The following IL1RAPL1 variants were observed in gnomAD, a reference collection of about 807,000 sequenced individuals.
The protein encoded by IL1RAPL1 is interleukin-1 receptor accessory protein-like 1.
Under a neutral mutation model 48.4 loss-of-function variants are expected in IL1RAPL1, and 3 were observed. The ratio of observed to expected loss-of-function variants is 0.06; its 90% CI spans 0.03 to 0.16. IL1RAPL1 has a LOEUF of 0.16. Ranked by LOEUF, IL1RAPL1 falls within the 10% of genes least tolerant of loss-of-function variation. The pLI is 1.00. For synonymous variants in IL1RAPL1, 185 were observed against 187.7 expected (o/e 0.99, Z 0.12); for missense variants, 349 against 530.6 (o/e 0.66, Z 3.36).
intron 2 of IL1RAPL1, among the ~76,000 whole-genome samples, chrX:28,790,640 G>A (rs1019215390): frequency 8.9e-6 from 1 of 111,993 alleles, no homozygotes; most frequent in African/African-American, 3.2e-5. Flanking sequence ...CCATTGATGT[G>A]GTTATAGGCA....
At chrX:29,063,142 T>C (rs1927376918) in intron 2 of IL1RAPL1, among the ~76,000 whole-genome samples, 1 of 111,698 alleles carries the variant, frequency 9.0e-6, no homozygotes, top group African/African-American at 3.2e-5. Context: ...GCTTTCCTGA[T>C]GGATGTGGAG....
At chrX:28,973,255 C>A (rs1473706891) in intron 2 of IL1RAPL1, among the ~76,000 whole-genome samples, 1 of 112,032 alleles carries the variant, frequency 8.9e-6, no homozygotes, top group East Asian at 2.8e-4. Flanking sequence ...AGTGATTGTC[C>A]CATCAAACAT....
At chrX:29,815,425 A>AT (rs1388982964) in intron 6 of IL1RAPL1, among the ~76,000 whole-genome samples, 1 of 111,741 alleles carries the variant, frequency 8.9e-6, no homozygotes, top group Non-Finnish European at 1.9e-5. Context: ...TTATATATTG[A>AT]TTTTGTATCC....
chrX:29,608,192 C>A (rs1254222603), intron 5 of IL1RAPL1, among the ~76,000 whole-genome samples: 2 of 111,330 alleles, frequency 1.8e-5, no homozygotes, highest in African/African-American at 6.5e-5. Context: ...CTTTCTTTAA[C>A]AAGTTAGCCT....
chrX:29,705,118 C>G (rs1254494745), intron 6 of IL1RAPL1, among the ~76,000 whole-genome samples: 2 of 111,437 alleles, frequency 1.8e-5, no homozygotes, highest in African/African-American at 3.3e-5. Flanking sequence ...TTAGAAGAAC[C>G]AATATTTAAA....
At chrX:29,908,906 G>C (rs1284905486) in intron 6 of IL1RAPL1, among the ~76,000 whole-genome samples, 1 of 111,566 alleles carries the variant, frequency 9.0e-6, no homozygotes, top group African/African-American at 3.3e-5. Context: ...CCAAATGTTA[G>C]CTAGTTAATC....
intron 2 of IL1RAPL1, among the ~76,000 whole-genome samples, chrX:28,938,844 C>T (rs1386965783): frequency 9.1e-6 from 1 of 109,786 alleles, no homozygotes; most frequent in South Asian, 3.8e-4. Flanking sequence ...AAAACAGTCC[C>T]ATTAAAAAGT....
intron 6 of IL1RAPL1, among the ~76,000 whole-genome samples, chrX:29,715,130 G>A (rs1206887709): frequency 9.0e-6 from 1 of 111,486 alleles, no homozygotes; most frequent in Non-Finnish European, 1.9e-5. Context: ...TTGGTACCCT[G>A]CTCAGATGTT....
intron 3 of IL1RAPL1, among the ~76,000 whole-genome samples, chrX:29,308,943 T>G (rs1209390800): frequency 8.9e-6 from 1 of 111,842 alleles, no homozygotes; most frequent in Non-Finnish European, 1.9e-5. Context: ...TCTCAGGAAG[T>G]CCCCCATTGA....
intron 2 of IL1RAPL1, among the ~76,000 whole-genome samples, chrX:29,080,417 A>T (rs918132374): frequency 9.0e-6 from 1 of 111,082 alleles, no homozygotes; most frequent in African/African-American, 3.3e-5. Context: ...AAACAAAAAA[A>T]TAAAAAAGGG....
intron 2 of IL1RAPL1, among the ~76,000 whole-genome samples, chrX:28,965,282 A>T (rs2147365226): frequency 9.0e-6 from 1 of 111,498 alleles, no homozygotes; most frequent in African/African-American, 3.2e-5. Context: ...ATATCCTTAA[A>T]TTAGCACCTG....
intron 2 of IL1RAPL1, among the ~76,000 whole-genome samples, chrX:29,067,986 A>G (rs1224718614): frequency 1.8e-5 from 2 of 112,011 alleles, no homozygotes; most frequent in South Asian, 3.7e-4. Flanking sequence ...GAATTTTTTA[A>G]TGGTCCTTAT....
At position 29,494,196 on chromosome X, in the gene IL1RAPL1, C is replaced by T. The variant is rs151203695; in HGVS notation, c.703+94888C>T. On this transcript the variant is annotated intron_variant, in intron 5 of 10. Coordinates refer to ENST00000378993, the MANE Select transcript of IL1RAPL1 (RefSeq NM_014271.4). Reference sequence around the variant, plus strand: ...GATTACAGGCGTAAGCCACCGCGTCCGGCTGCTTAGTATCATTTATAAGTG... The same window carrying T: ...GATTACAGGCGTAAGCCACCGCGTCTGGCTGCTTAGTATCATTTATAAGTG... Among the ~76,000 whole-genome samples, 1,012 of 111,791 alleles carry T rather than the reference C, an allele frequency of 9.1e-3. 7 individuals are homozygous for T. The highest frequency in any genetic ancestry group is 0.028 in the Middle Eastern group (6 of 216).
At chrX:28,724,517 A>G (rs1175470221) in intron 1 of IL1RAPL1, among the ~76,000 whole-genome samples, 1 of 111,198 alleles carries the variant, frequency 9.0e-6, no homozygotes, top group Non-Finnish European at 1.9e-5. Context: ...TCTCCTGAAT[A>G]CAGCACACTG....
intron 2 of IL1RAPL1, among the ~76,000 whole-genome samples, chrX:29,263,974 A>G: frequency 9.1e-6 from 1 of 109,495 alleles, no homozygotes. Flanking sequence ...AATTAGGGAG[A>G]AGTAGAAACA....
intron 1 of IL1RAPL1, among the ~76,000 whole-genome samples, chrX:28,744,277 CAAAAACACATT>C (rs1010115590): frequency 3.6e-5 from 4 of 111,382 alleles, no homozygotes; most frequent in African/African-American, 1.3e-4. Flanking sequence ...ATGGGTTTAA[CAAAAACACATT>C]AAAACTAATA....
intron 2 of IL1RAPL1, among the ~76,000 whole-genome samples, chrX:28,958,317 A>G (rs1924671997): frequency 8.9e-6 from 1 of 111,751 alleles, no homozygotes; most frequent in Non-Finnish European, 1.9e-5. Context: ...ATCTACTTCT[A>G]TGAGTTCAAC....
intron 6 of IL1RAPL1, among the ~76,000 whole-genome samples, chrX:29,777,275 T>G (rs778375037): frequency 8.9e-6 from 1 of 112,081 alleles, no homozygotes; most frequent in Non-Finnish European, 1.9e-5. Context: ...ATGGCAGCCA[T>G]CTGTTGTTTA....
At chrX:28,604,211 T>C (rs1934058940) in intron 1 of IL1RAPL1, among the ~76,000 whole-genome samples, 1 of 111,795 alleles carries the variant, frequency 8.9e-6, no homozygotes, top group South Asian at 3.8e-4. Context: ...ACTAATTTCA[T>C]TTTTATCTCT....
Sources: allele counts gnomAD v4.1 joint callset (sites outside exome capture counted in the v4.1 genomes callset), GRCh38; gene constraint gnomAD v4.1.1; transcripts MANE v1.5; gene names NCBI Gene and HGNC (gene_info 2026-07-23, HGNC 2026-07-21).